The following PCDH7 variants were observed in gnomAD, a reference collection of about 807,000 sequenced individuals.
PCDH7 encodes the protein protocadherin-7.
In PCDH7, 17 loss-of-function variants were observed where a neutral mutation model predicts 58.9. The observed-to-expected ratio is 0.29, with a 90% CI of 0.20 to 0.43. The LOEUF (loss-of-function observed/expected upper bound fraction) is 0.43, where lower values mean the gene tolerates loss of function less well. PCDH7 is among the 20% of genes least tolerant of loss of function. The pLI is 1.00. For synonymous variants in PCDH7, 664 were observed against 616.4 expected, an observed-to-expected ratio of 1.08 and a Z score of -1.14; for missense variants, 1,274 against 1,441.0, an observed-to-expected ratio of 0.88 and a Z score of 1.88.
At chr4:30,873,990 A>G (rs995711421) in intron 1 of PCDH7, among the ~76,000 whole-genome samples, 2 of 152,232 alleles carry the variant, frequency 1.3e-5, no homozygotes, top group East Asian at 3.9e-4. Flanking sequence ...CAGTTGGGCT[A>G]TGTTAATTTT....
chr4:31,008,974 T>C (rs1366779959), intron 3 of PCDH7, among the ~76,000 whole-genome samples: 1 of 152,112 alleles, frequency 6.6e-6, no homozygotes. Context: ...TCCCATCACA[T>C]AATATACAAA....
intron 3 of PCDH7, among the ~76,000 whole-genome samples, chr4:31,057,036 T>G (rs1466990650): frequency 6.6e-6 from 1 of 152,230 alleles, no homozygotes; most frequent in African/African-American, 2.4e-5. Flanking sequence ...AATGCGTTAT[T>G]AAATAAGTTT....
intron 3 of PCDH7, among the ~76,000 whole-genome samples, chr4:31,095,079 A>G (rs1328811797): frequency 6.6e-6 from 1 of 152,122 alleles, no homozygotes; most frequent in Non-Finnish European, 1.5e-5. Context: ...AGCCAAAGAT[A>G]CAACAGAGAA....
chr4:30,937,536 A>G (rs778041379), intron 2 of PCDH7, among the ~76,000 whole-genome samples: 1 of 152,132 alleles, frequency 6.6e-6, no homozygotes, highest in Non-Finnish European at 1.5e-5. Context: ...AAACTTGCTT[A>G]AGAATTAGAA....
intron 3 of PCDH7, among the ~76,000 whole-genome samples, chr4:31,134,710 T>G (rs1719386890): frequency 6.6e-6 from 1 of 152,168 alleles, no homozygotes. Flanking sequence ...TTTTTCATGT[T>G]CTGCCTGGCT....
chr4:30,953,900 A>T (rs1747597378), intron 3 of PCDH7, among the ~76,000 whole-genome samples: 1 of 152,100 alleles, frequency 6.6e-6, no homozygotes, highest in Non-Finnish European at 1.5e-5. Context: ...CAAAACAAAA[A>T]TTATTTTTTC....
intron 1 of PCDH7, among the ~76,000 whole-genome samples, chr4:30,793,014 A>T (rs1724330574): frequency 6.6e-6 from 1 of 152,210 alleles, no homozygotes; most frequent in Non-Finnish European, 1.5e-5. Context: ...TATGTAATTG[A>T]TAAAAATTAC....
chr4:30,792,907 A>C (rs910663584), intron 1 of PCDH7, among the ~76,000 whole-genome samples: 3 of 152,166 alleles, frequency 2.0e-5, no homozygotes, highest in Admixed American at 2.0e-4. Context: ...CAGTATTCTA[A>C]CATTCTGCTG....
chr4:30,764,105 G>A (rs1331155539), intron 1 of PCDH7, among the ~76,000 whole-genome samples: 1 of 152,094 alleles, frequency 6.6e-6, no homozygotes, highest in Non-Finnish European at 1.5e-5. Flanking sequence ...TAATCTTTCA[G>A]GCATTAGTAA....
intron 3 of PCDH7, among the ~76,000 whole-genome samples, chr4:31,062,860 T>C (rs563852534): frequency 1.4e-3 from 209 of 151,940 alleles, no homozygotes; most frequent in African/African-American, 4.9e-3. Context: ...ATTTTGAAAA[T>C]AGTGAAGGAA....
chr4:30,806,201 C>T (rs1326054689), intron 1 of PCDH7, among the ~76,000 whole-genome samples: 1 of 152,174 alleles, frequency 6.6e-6, no homozygotes, highest in Non-Finnish European at 1.5e-5. Flanking sequence ...TTGGTACAAG[C>T]ATGTCCTTAT....
intron 1 of PCDH7, among the ~76,000 whole-genome samples, chr4:30,760,790 C>T (rs1719923122): frequency 6.6e-6 from 1 of 152,110 alleles, no homozygotes. Flanking sequence ...GTGAGATTTC[C>T]TTGAGTTTTG....
Position 31,138,553 on chromosome 4 carries a change from G to A in PCDH7, c.*8-3920G>A, listed in dbSNP as rs75204990. 7.5e-3 allele frequency among the ~76,000 whole-genome samples: 1,139 copies of A among 152,200 alleles called. 15 individuals are homozygous for A. Among genetic ancestry groups the A allele is most frequent in the African/African-American group, 0.026 (1,088 of 41,520 alleles). The stretch of plus-strand genomic sequence containing the variant: ...TTGAAAGTCAAAACACTTATTCTTC[G>A]GCTTCAGCTCTCCCGTAGCTTGGAC... On this transcript the variant is annotated intron_variant, in intron 3 of 3. Coordinates refer to the PCDH7 transcript ENST00000509759.
At chr4:30,962,182 C>T (rs547884471) in intron 3 of PCDH7, among the ~76,000 whole-genome samples, 33 of 152,164 alleles carry the variant, frequency 2.2e-4, no homozygotes, top group African/African-American at 7.2e-4. Flanking sequence ...CTATGAAAGA[C>T]CATTAAGGTC....
intron 1 of PCDH7, among the ~76,000 whole-genome samples, chr4:30,837,749 C>A (rs192732702): frequency 2.0e-5 from 3 of 151,514 alleles, no homozygotes; most frequent in Admixed American, 2.0e-4. Flanking sequence ...AGCTGGAAAC[C>A]TTTATTTTAC....
At chr4:31,109,248 A>C (rs2109309309) in intron 3 of PCDH7, among the ~76,000 whole-genome samples, 1 of 152,330 alleles carries the variant, frequency 6.6e-6, no homozygotes, top group South Asian at 2.1e-4. Flanking sequence ...TTTGCAAAAT[A>C]TGCATTGATA....
intron 2 of PCDH7, among the ~76,000 whole-genome samples, chr4:30,927,296 TA>T (rs1743991877): frequency 1.3e-5 from 2 of 152,252 alleles, no homozygotes; most frequent in Non-Finnish European, 2.9e-5. Context: ...GATTTATGTA[TA>T]AAAAAACCTT....
At position 30,993,087 on chromosome 4, in the gene PCDH7, C is replaced by T. The variant is rs572325569; in HGVS notation, c.*7+42872C>T. On this transcript the variant is annotated intron_variant, in intron 3 of 3. Coordinates refer to the PCDH7 transcript ENST00000509759. ...GTGCTAGGATTACAGGTGTGAGCCA[C>T]CGTGCCCGGCCTGTCCCATTCGTTT... is the stretch of plus-strand genomic sequence containing the variant. Among the ~76,000 whole-genome samples the T allele has an allele frequency of 2.0e-5, 3 of 152,258 alleles. No homozygotes were observed. In the South Asian group the frequency reaches 6.2e-4, roughly 32 times the overall value.
intron 1 of PCDH7, among the ~76,000 whole-genome samples, chr4:30,728,350 G>A (rs987797784): frequency 6.7e-6 from 1 of 150,344 alleles, no homozygotes; most frequent in East Asian, 2.0e-4. Flanking sequence ...TAGTGGAAAT[G>A]CATCTACATA....
Sources: gnomAD v4.1 joint callset for allele counts (sites outside exome capture counted in the v4.1 genomes callset) on GRCh38, gnomAD v4.1.1 for gene constraint, MANE v1.5 for transcripts, NCBI Gene and HGNC (gene_info 2026-07-23, HGNC 2026-07-21) for gene names.